Variants in PCDH7 observed in about 807,000 individuals in gnomAD.
The protein encoded by PCDH7 is protocadherin 7, also known as protocadherin-7.
PCDH7 carries 17 observed loss-of-function variants against 58.9 expected under a neutral mutation model. The ratio of observed to expected loss-of-function variants is 0.29; its 90% CI spans 0.20 to 0.43. PCDH7 has a LOEUF of 0.43. Ranked by LOEUF, PCDH7 falls within the 20% of genes least tolerant of loss-of-function variation. The pLI is 1.00. For missense variants in PCDH7, 1,274 were observed against 1,441.0 expected, an observed-to-expected ratio of 0.88 and a Z score of 1.88; for synonymous variants, 664 against 616.4, an observed-to-expected ratio of 1.08 and a Z score of -1.14.
intron 3 of PCDH7, among the ~76,000 whole-genome samples, chr4:31,099,366 G>T (rs1714598945): frequency 6.6e-6 from 1 of 152,156 alleles, no homozygotes; most frequent in Non-Finnish European, 1.5e-5. Flanking sequence ...GTTTGCTCTG[G>T]CTATAGGCAG....
At chr4:30,818,389 C>T (rs1384611352) in intron 1 of PCDH7, among the ~76,000 whole-genome samples, 1 of 152,090 alleles carries the variant, frequency 6.6e-6, no homozygotes, top group East Asian at 1.9e-4. Context: ...TTCCATATTT[C>T]TAGTTATCAT....
chr4:30,771,590 T>C (rs538026752), intron 1 of PCDH7, among the ~76,000 whole-genome samples: 1 of 152,318 alleles, frequency 6.6e-6, no homozygotes, highest in East Asian at 1.9e-4. Context: ...TACACAATTT[T>C]ATACATAAAT....
rs184148070 is a variant in PCDH7 at position 30,819,589 on chromosome 4, C to T, written c.70+94993C>T. Among the ~76,000 whole-genome samples, 305 of 152,214 alleles carry T rather than the reference C, an allele frequency of 2.0e-3. 2 individuals are homozygous for T. Among genetic ancestry groups the T allele is most frequent in the African/African-American group, 6.7e-3 (279 of 41,548 alleles). The stretch of plus-strand genomic sequence containing the variant: ...AATGATTCATCTTCAGATTGTCTAT[C>T]CCTGCCATTAATTTGATGGGGGTGT... On this transcript the variant is annotated intron_variant, in intron 1 of 3. Coordinates refer to the PCDH7 transcript ENST00000509759.
chr4:30,948,097 AAATT>A (rs1746931644), intron 2 of PCDH7, among the ~76,000 whole-genome samples: 1 of 152,162 alleles, frequency 6.6e-6, no homozygotes, highest in Non-Finnish European at 1.5e-5. Context: ...ACATCTTAAT[AAATT>A]ATCAGTGTTT....
intron 3 of PCDH7, among the ~76,000 whole-genome samples, chr4:30,964,301 G>A (rs1748785315): frequency 6.6e-6 from 1 of 151,086 alleles, no homozygotes; most frequent in Non-Finnish European, 1.5e-5. Flanking sequence ...GAGTGCAGTG[G>A]CCTGATCTCG....
chr4:30,948,617 C>A (rs1472224606), intron 2 of PCDH7, among the ~76,000 whole-genome samples: 12 of 152,044 alleles, frequency 7.9e-5, no homozygotes, highest in Admixed American at 7.9e-4. Context: ...AGCAATGGTG[C>A]AAAAAGTATA....
At chr4:30,942,748 A>T (rs1746191604) in intron 2 of PCDH7, among the ~76,000 whole-genome samples, 1 of 152,064 alleles carries the variant, frequency 6.6e-6, no homozygotes, top group East Asian at 1.9e-4. Context: ...TACACGTTGA[A>T]GTATGTATTT....
chr4:30,735,090 G>A (rs1207062235), downstream of PCDH7, among the ~76,000 whole-genome samples: 1 of 152,028 alleles, frequency 6.6e-6, no homozygotes, highest in Non-Finnish European at 1.5e-5. Flanking sequence ...AGGCAAGTAA[G>A]AGACGCACTG....
intron 1 of PCDH7, among the ~76,000 whole-genome samples, chr4:30,917,863 A>C (rs987375028): frequency 6.6e-6 from 1 of 152,182 alleles, no homozygotes; most frequent in Admixed American, 6.5e-5. Flanking sequence ...CACAGATTCC[A>C]AAATTTTTCC....
intron 1 of PCDH7, among the ~76,000 whole-genome samples, chr4:30,773,950 C>T (rs1378077818): frequency 6.6e-6 from 1 of 152,052 alleles, no homozygotes; most frequent in Non-Finnish European, 1.5e-5. Context: ...ATGGGCCATC[C>T]CATATTCCAT....
intron 3 of PCDH7, among the ~76,000 whole-genome samples, chr4:31,040,301 C>T (rs1271920045): frequency 6.6e-6 from 1 of 152,148 alleles, no homozygotes; most frequent in Non-Finnish European, 1.5e-5. Flanking sequence ...AATCACTGTT[C>T]TGATGTTTAT....
intron 3 of PCDH7, among the ~76,000 whole-genome samples, chr4:31,002,648 A>T (rs1427416580): frequency 6.6e-6 from 1 of 152,260 alleles, no homozygotes; most frequent in Non-Finnish European, 1.5e-5. Context: ...CTTTAAATAA[A>T]ACTATGCTTT....
chr4:30,782,813 G>A (rs757709077), intron 1 of PCDH7, among the ~76,000 whole-genome samples: 1 of 152,182 alleles, frequency 6.6e-6, no homozygotes, highest in East Asian at 1.9e-4. Context: ...GTGTGGCACT[G>A]TGTCTTCAAA....
intron 1 of PCDH7, among the ~76,000 whole-genome samples, chr4:30,760,724 G>A (rs1300092929): frequency 6.6e-6 from 1 of 152,022 alleles, no homozygotes; most frequent in Non-Finnish European, 1.5e-5. Flanking sequence ...TTTCCTAAAG[G>A]GCACCAAGAC....
chr4:30,775,991 A>G (rs1455651050), intron 1 of PCDH7, among the ~76,000 whole-genome samples: 2 of 152,222 alleles, frequency 1.3e-5, no homozygotes, highest in African/African-American at 2.4e-5. Flanking sequence ...CCTCTAAGAC[A>G]TAGAATGTTG....
intron 3 of PCDH7, among the ~76,000 whole-genome samples, chr4:31,090,097 G>A (rs1485797683): frequency 6.6e-6 from 1 of 152,012 alleles, no homozygotes; most frequent in African/African-American, 2.4e-5. Flanking sequence ...CAAGTCAGCA[G>A]GCTATGAGAA....
intron 3 of PCDH7, among the ~76,000 whole-genome samples, chr4:30,960,946 G>A (rs567669772): frequency 1.3e-5 from 2 of 152,274 alleles, no homozygotes; most frequent in Admixed American, 6.5e-5. Context: ...AATATAGAAT[G>A]TAAAACATTG....
At chr4:30,887,570 C>T (rs991838133) in intron 1 of PCDH7, among the ~76,000 whole-genome samples, 2 of 152,126 alleles carry the variant, frequency 1.3e-5, no homozygotes, top group African/African-American at 4.8e-5. Flanking sequence ...TGATAAAATA[C>T]ATAAAAAATA....
At chr4:30,748,383 G>T (rs112382090) in intron 1 of PCDH7, among the ~76,000 whole-genome samples, 5,532 of 152,150 alleles carry the variant, frequency 0.036, 263 homozygotes, top group East Asian at 0.22. Context: ...AGATTTATTT[G>T]GCTCACAGTT....
Sources: gnomAD v4.1 joint callset for allele counts (sites outside exome capture counted in the v4.1 genomes callset) on GRCh38, gnomAD v4.1.1 for gene constraint, MANE v1.5 for transcripts, NCBI Gene and HGNC (gene_info 2026-07-23, HGNC 2026-07-21) for gene names.